CACNA1A: variants seen among roughly 807,000 people sequenced by gnomAD.
CACNA1A encodes the protein calcium voltage-gated channel subunit alpha1 A.
In CACNA1A, 57 loss-of-function variants were observed where a neutral mutation model predicts 262.4. The ratio of observed to expected loss-of-function variants is 0.22; its 90% CI spans 0.18 to 0.27. CACNA1A has a LOEUF of 0.27. CACNA1A is among the 10% of genes least tolerant of loss of function. The pLI is 1.00. For missense variants in CACNA1A, 2,526 were observed against 3,562.8 expected (o/e 0.71, Z 7.41); for synonymous variants, 1,431 against 1,419.3 (o/e 1.01, Z -0.18).
intron 31 of CACNA1A, among the ~76,000 whole-genome samples, chr19:13,237,693 G>A (rs759761596): frequency 6.6e-6 from 1 of 152,160 alleles, no homozygotes; most frequent in African/African-American, 2.4e-5. Context: ...CAAGTGCTGT[G>A]AGAATGTCTC....
chr19:13,416,410 G>A (rs560086631), intron 3 of CACNA1A, among the ~76,000 whole-genome samples: 23 of 152,190 alleles, frequency 1.5e-4, no homozygotes, highest in Non-Finnish European at 2.6e-4. Context: ...GGCTGTGTGC[G>A]GTGGCTCATG....
chr19:13,354,869 C>CTTTTTTTTTTT (rs56350383), intron 6 of CACNA1A, among the ~76,000 whole-genome samples: 43 of 115,068 alleles, frequency 3.7e-4, no homozygotes, highest in Non-Finnish European at 5.9e-4. Flanking sequence ...TTTTCTTTTT[C>CTTTTTTTTTTT]TTTTTTTTTT....
At chr19:13,307,635 T>C (rs958515240) in intron 15 of CACNA1A, 147 bp downstream of exon 15, 4 of 651,180 alleles carry the variant, frequency 6.1e-6, no homozygotes, top group African/African-American at 3.6e-5. Flanking sequence ...AATTGAATAA[T>C]GATAACCATA....
intron 1 of CACNA1A, among the ~76,000 whole-genome samples, chr19:13,478,320 T>C (rs2145067877): frequency 6.6e-6 from 1 of 152,214 alleles, no homozygotes; most frequent in Non-Finnish European, 1.5e-5. Flanking sequence ...TTATTATTGT[T>C]GTTGTTGCTG....
chr19:13,495,844 T>C (rs1462384870), intron 1 of CACNA1A, among the ~76,000 whole-genome samples: 1 of 151,926 alleles, frequency 6.6e-6, no homozygotes, highest in Admixed American at 6.6e-5. Context: ...TGCCTATTTA[T>C]TCATCCAGCC....
rs368879293 is a variant in CACNA1A at position 13,322,202 on chromosome 19, GAAAAAAAAA to G, written c.1346-4890_1346-4882del. ...GGGTGATGGAGTGAGACTTGTCTCAGAAAAAAAAAAAAAAAAAAGAAATCGCATACAGAA... is the reference window on the plus strand; with the variant it reads ...GGGTGATGGAGTGAGACTTGTCTCAGAAAAAAAAAGAAATCGCATACAGAA... On this transcript the variant is annotated intron_variant, in intron 10 of 46. Coordinates refer to ENST00000360228, the MANE Select transcript of CACNA1A (RefSeq NM_001127222.2). Among the ~76,000 whole-genome samples the G allele has an allele frequency of 3.7e-4, 33 of 90,074 alleles. 2 individuals carry two copies. The South Asian group carries it at 9.5e-3, about 26-fold the overall frequency. 59.1% of individuals were successfully genotyped at this position (90,074 alleles called of 152,430 possible).
At chr19:13,499,634 C>T (rs1982132177) in intron 1 of CACNA1A, among the ~76,000 whole-genome samples, 1 of 152,124 alleles carries the variant, frequency 6.6e-6, no homozygotes. Flanking sequence ...CTCCTGAGAG[C>T]CCTCCAAGGG....
chr19:13,283,186 C>A (rs2057329438), intron 22 of CACNA1A, 81 bp downstream of exon 22: 12 of 1,554,730 alleles, frequency 7.7e-6, no homozygotes, highest in Non-Finnish European at 1.1e-5. Context: ...CCCACCCTAC[C>A]TATGAGCATT....
At chr19:13,250,379 A>C (rs552783755) in intron 30 of CACNA1A, among the ~76,000 whole-genome samples, 1 of 149,498 alleles carries the variant, frequency 6.7e-6, no homozygotes, top group Non-Finnish European at 1.5e-5. Context: ...TTAAAAAATA[A>C]TTTTAATTTA....
intron 6 of CACNA1A, among the ~76,000 whole-genome samples, chr19:13,345,895 C>CTTTTTTTTT (rs55982966): frequency 2.0e-5 from 2 of 100,532 alleles, no homozygotes; most frequent in African/African-American, 3.7e-5. Context: ...TTCACGAAGT[C>CTTTTTTTTT]TTTTTTTTTT....
intron 4 of CACNA1A, among the ~76,000 whole-genome samples, chr19:13,367,357 G>A (rs1263854247): frequency 2.1e-5 from 3 of 143,940 alleles, no homozygotes; most frequent in African/African-American, 2.6e-5. Flanking sequence ...CATCTGAAAT[G>A]AAGCCCCATG....
chr19:13,286,042 G>T (rs1232615056), intron 20 of CACNA1A, among the ~76,000 whole-genome samples: 1 of 147,578 alleles, frequency 6.8e-6, no homozygotes, highest in South Asian at 2.1e-4. Context: ...CTCTACCTCG[G>T]CCTCCTGAAG....
intron 1 of CACNA1A, among the ~76,000 whole-genome samples, chr19:13,496,045 CAT>C (rs1217121538): frequency 4.2e-4 from 2 of 4,752 alleles, no homozygotes; most frequent in Non-Finnish European, 1.9e-3. Flanking sequence ...TCTGTTCAAC[CAT>C]CCATCCATCC....
intron 18 of CACNA1A, among the ~76,000 whole-genome samples, chr19:13,300,284 C>A (rs1263589938): frequency 6.6e-6 from 1 of 152,054 alleles, no homozygotes; most frequent in Non-Finnish European, 1.5e-5. Context: ...TTATTGACTC[C>A]TTCCCTTGCT....
At chr19:13,486,366 GTCTC>G (rs1167412544) in intron 1 of CACNA1A, among the ~76,000 whole-genome samples, 12 of 65,524 alleles carry the variant, frequency 1.8e-4, no homozygotes, top group South Asian at 4.8e-4. Flanking sequence ...GGTTTGTTCT[GTCTC>G]TCTCTCTCTC....
chr19:13,232,998 G>A (rs1208676763), intron 34 of CACNA1A, among the ~76,000 whole-genome samples: 1 of 151,002 alleles, frequency 6.6e-6, no homozygotes, highest in Admixed American at 6.6e-5. Context: ...GCGCCGAGCC[G>A]AGATCGCACC....
In CACNA1A at chr19:13,312,702, G is replaced by A. The variant is rs1427473572; in HGVS notation, c.1635C>T (p.Tyr545=). The A allele has an allele frequency of 3.8e-6, 6 of 1,593,952 alleles. No individual in the cohort carries two copies. Among genetic ancestry groups the A allele is most frequent in the Admixed American group, 1.8e-5 (1 of 55,646 alleles). ...CAAAGCAGTTGAAGGAAGAGTGGAA[G>A]TAAGGCCGCGTCCCAAGCCCGTACA... ...IKMYGLGTRP[Y]FHSSFNCFDC... Residue 545 remains tyrosine (Y), a synonymous_variant, in exon 12 of 47, where the codon TAC becomes TAT. Transcript: ENST00000360228.
chr19:13,412,476 T>A (rs999764363), intron 3 of CACNA1A, among the ~76,000 whole-genome samples: 2 of 150,342 alleles, frequency 1.3e-5, no homozygotes, highest in African/African-American at 2.5e-5. Context: ...TTTCTTTTTT[T>A]TCTTTTCTTT....
At chr19:13,235,588 G>A in intron 32 of CACNA1A, 26 bp downstream of exon 32, 4 of 1,491,260 alleles carry the variant, frequency 2.7e-6, no homozygotes, top group Non-Finnish European at 3.7e-6. Context: ...CTCAGCCCTG[G>A]GCCAGCAGCA....
Sources: allele counts gnomAD v4.1 joint callset (sites outside exome capture counted in the v4.1 genomes callset), GRCh38; gene constraint gnomAD v4.1.1; transcripts MANE v1.5; gene names NCBI Gene and HGNC (gene_info 2026-07-23, HGNC 2026-07-21).